The following SPINK5 variants were observed in gnomAD, a reference collection of about 807,000 sequenced individuals.
The protein encoded by SPINK5 is serine protease inhibitor Kazal-type 5.
A neutral mutation model predicts 151.8 loss-of-function variants in SPINK5; 125 were observed. The ratio of observed to expected loss-of-function variants is 0.82; its 90% CI spans 0.71 to 0.96. The LOEUF (loss-of-function observed/expected upper bound fraction) is 0.96, where lower values mean the gene tolerates loss of function less well. Ranked by LOEUF, SPINK5 falls within the 40% of genes least tolerant of loss-of-function variation. SPINK5 has a pLI of 0.00. For missense variants in SPINK5, 1,194 were observed against 1,291.9 expected (o/e 0.92, Z 1.16); for synonymous variants, 374 against 395.3 (o/e 0.95, Z 0.64).
chr5:148,136,936 C>A, intron 32 of SPINK5, 47 bp from the exon 33 acceptor site: 2 of 1,611,890 alleles, frequency 1.2e-6, no homozygotes, highest in Non-Finnish European at 1.7e-6. Context: ...CACATTTCTG[C>A]AATATCTCTG....
intron 7 of SPINK5, among the ~76,000 whole-genome samples, chr5:148,090,054 G>C (rs1035584399): frequency 6.6e-6 from 1 of 151,790 alleles, no homozygotes; most frequent in South Asian, 2.1e-4. Flanking sequence ...CCATGTGTCT[G>C]AATCTATTTA....
chr5:148,125,335 A>T (rs749493548), intron 28 of SPINK5, among the ~76,000 whole-genome samples: 6 of 152,232 alleles, frequency 3.9e-5, no homozygotes, highest in Non-Finnish European at 7.3e-5. Context: ...TTTCAAGACT[A>T]CAAAGAAGAC....
At chr5:148,074,161 C>A (rs1752821967) in intron 4 of SPINK5, among the ~76,000 whole-genome samples, 1 of 151,846 alleles carries the variant, frequency 6.6e-6, no homozygotes, top group Non-Finnish European at 1.5e-5. Flanking sequence ...AACCCTGCTA[C>A]TCCCTCTCAG....
intron 19 of SPINK5, among the ~76,000 whole-genome samples, chr5:148,112,440 CGA>C (rs953099016): frequency 2.8e-4 from 43 of 151,946 alleles, no homozygotes; most frequent in African/African-American, 1.0e-3. Context: ...TTTGGGAGGC[CGA>C]GGCGGGCAGA....
intron 6 of SPINK5, among the ~76,000 whole-genome samples, chr5:148,088,821 A>G (rs1753229476): frequency 7.4e-6 from 1 of 135,880 alleles, no homozygotes; most frequent in Admixed American, 7.7e-5. Context: ...CTTTCAATCT[A>G]TTGCTGCTTT....
chr5:148,067,905 C>A (rs2127185940), intron 2 of SPINK5, among the ~76,000 whole-genome samples: 1 of 152,212 alleles, frequency 6.6e-6, no homozygotes, highest in South Asian at 2.1e-4. Flanking sequence ...TGAGCCACTG[C>A]ACCTGGCCTG....
At chr5:148,095,504 T>C (rs1371801916) in intron 9 of SPINK5, among the ~76,000 whole-genome samples, 1 of 152,004 alleles carries the variant, frequency 6.6e-6, no homozygotes, top group Non-Finnish European at 1.5e-5. Context: ...AGAAGACTAT[T>C]CGATACAAAA....
intron 30 of SPINK5, among the ~76,000 whole-genome samples, chr5:148,129,402 G>A (rs1199236437): frequency 2.6e-5 from 4 of 152,112 alleles, no homozygotes; most frequent in African/African-American, 9.7e-5. Context: ...AGATGATGCT[G>A]GTTTATACCA....
intron 10 of SPINK5, 77 bp downstream of exon 10, chr5:148,095,982 C>T: frequency 2.5e-5 from 27 of 1,090,988 alleles, no homozygotes; most frequent in Non-Finnish European, 3.7e-5. Flanking sequence ...GTGCATATTA[C>T]ATAGTATGCA....
rs146483997 is a variant in SPINK5 at position 148,115,784 on chromosome 5, G to C, written c.2016-586G>C. 2.0e-5 allele frequency among the ~76,000 whole-genome samples: 3 copies of C among 151,920 alleles called. No homozygotes were observed. In the East Asian group the frequency reaches 5.8e-4, roughly 29 times the overall value. On this transcript the variant is annotated intron_variant, in intron 21 of 32. Transcript: ENST00000256084. ...CGATAAACACAGCTGGAGATCCCCA[G>C]TGAACATTTATGAAGTGTTAGTTAA...
chr5:148,072,491 C>A (rs1202223185), intron 4 of SPINK5, among the ~76,000 whole-genome samples: 1 of 151,954 alleles, frequency 6.6e-6, no homozygotes, highest in Admixed American at 6.6e-5. Context: ...CCAAGGCCAT[C>A]ATTTCTCATT....
At chr5:148,086,698 G>T (rs1291886853) in intron 5 of SPINK5, among the ~76,000 whole-genome samples, 166 bp downstream of exon 5, 1 of 151,674 alleles carries the variant, frequency 6.6e-6, no homozygotes, top group Non-Finnish European at 1.5e-5. Context: ...AAATAAAGGT[G>T]TATAGCATAA....
At chr5:148,090,932 AAG>A in intron 7 of SPINK5, 1 of 543,926 alleles carries the variant, frequency 1.8e-6, no homozygotes, top group Non-Finnish European at 3.3e-6. Flanking sequence ...ATAGGCAAGA[AAG>A]CTAATTTACA....
chr5:148,106,375 G>A (rs1444304938), intron 16 of SPINK5, among the ~76,000 whole-genome samples: 1 of 152,056 alleles, frequency 6.6e-6, no homozygotes, highest in Non-Finnish European at 1.5e-5. Context: ...AGGCTGTAGT[G>A]TAGTGGTGCG....
chr5:148,108,009 C>T (rs1210566717), intron 17 of SPINK5, among the ~76,000 whole-genome samples: 1 of 152,150 alleles, frequency 6.6e-6, no homozygotes, highest in Non-Finnish European at 1.5e-5. Flanking sequence ...ATACAATTCC[C>T]TAAAAGGAGA....
chr5:148,111,186 C>T lies in SPINK5; in HGVS notation c.1693-582C>T, dbSNP rs77855380. ...TCCATGTTCCTTGGTTCTTGGACCC[C>T]CCTTCTCTGTCTACAAAGCCAGCAA... is the stretch of plus-strand genomic sequence containing the variant. On this transcript the variant is annotated intron_variant, in intron 18 of 32. Transcript: ENST00000256084. 1.2e-3 allele frequency among the ~76,000 whole-genome samples: 184 copies of T among 151,472 alleles called. 3 individuals carry two copies. Among genetic ancestry groups the T allele is most frequent in the East Asian group, 8.0e-3 (41 of 5,126 alleles).
intron 4 of SPINK5, among the ~76,000 whole-genome samples, chr5:148,073,269 C>A (rs1165068402): frequency 6.6e-6 from 1 of 151,914 alleles, no homozygotes; most frequent in Non-Finnish European, 1.5e-5. Context: ...CATGGTCTAA[C>A]AACGCTGACA....
rs1485665397 is a variant in SPINK5 at position 148,116,361 on chromosome 5, A to G, written c.2016-9A>G. On this transcript the variant is annotated splice_polypyrimidine_tract_variant and intron_variant, in intron 21 of 32. Transcript: ENST00000256084. Reference sequence around the variant, plus strand: ...TATTGTTCCCTACCTCCCACTTTCTAATTTCCAGCCAGAAAGAAAATGAGG... The same window carrying G: ...TATTGTTCCCTACCTCCCACTTTCTGATTTCCAGCCAGAAAGAAAATGAGG... The G allele has an allele frequency of 6.2e-7, 1 of 1,613,930 alleles. No individual in the cohort carries two copies. The highest frequency in any genetic ancestry group is 8.5e-7 in the Non-Finnish European group (1 of 1,179,832).
chr5:148,125,606 T>C, intron 28 of SPINK5, 117 bp from the exon 29 acceptor site: 1 of 1,614,176 alleles, frequency 6.2e-7, no homozygotes, highest in South Asian at 1.1e-5. Flanking sequence ...GTTGCCAGGA[T>C]GAGTACAGTG....
Sources: gnomAD v4.1 joint callset for allele counts (sites outside exome capture counted in the v4.1 genomes callset) on GRCh38, gnomAD v4.1.1 for gene constraint, MANE v1.5 for transcripts, NCBI Gene and HGNC (gene_info 2026-07-23, HGNC 2026-07-21) for gene names.